The following HIC2 variants were observed in gnomAD, a reference collection of about 807,000 sequenced individuals.
HIC2 encodes the protein HIC ZBTB transcriptional repressor 2.
A neutral mutation model predicts 39.5 loss-of-function variants in HIC2; 2 were observed. The ratio of observed to expected loss-of-function variants is 0.05; its 90% CI spans 0.02 to 0.16. HIC2 has a LOEUF of 0.16. Among genes scored for constraint, HIC2 ranks in the 10% least tolerant of loss-of-function variants. HIC2 has a pLI of 1.00. For synonymous variants in HIC2, 399 were observed against 368.8 expected, an observed-to-expected ratio of 1.08 and a Z score of -0.94; for missense variants, 713 against 863.5, an observed-to-expected ratio of 0.83 and a Z score of 2.18.
rs1237505876 is a variant in HIC2 at position 21,447,927 on chromosome 22, A to G, written c.*1184A>G. 6.5e-6 allele frequency: 1 copy of G among 152,700 alleles called. No homozygotes were observed. Among genetic ancestry groups the G allele is most frequent in the African/African-American group, 2.4e-5 (1 of 41,406 alleles). The allele number at this position is 152,700 out of a possible 1,614,324, so 9.5% of individuals were successfully genotyped here. On this transcript the variant is annotated 3_prime_UTR_variant, in exon 3 of 3. Transcript: ENST00000407464. ...TACCTCTTGAATTCATGACAACGAT[A>G]TGTTGGTGACTGGCAGTGGAAGCCC...
At chr22:21,444,812 A>G (rs1182561854) in intron 2 of HIC2, 110 bp from the exon 3 acceptor site, 7 of 1,227,062 alleles carry the variant, frequency 5.7e-6, no homozygotes, top group East Asian at 2.3e-5. Context: ...CTCCTGCCCT[A>G]TGTGGGGTCA....
At chr22:21,432,601 G>A (rs1294792114) in intron 1 of HIC2, among the ~76,000 whole-genome samples, 194 of 123,748 alleles carry the variant, frequency 1.6e-3, no homozygotes, top group Non-Finnish European at 2.6e-3. Flanking sequence ...GCTTGAACCC[G>A]GGAGGCGGAG....
Position 21,446,880 on chromosome 22 carries a change from C to T in HIC2, c.*137C>T, listed in dbSNP as rs1456654342. On this transcript the variant is annotated 3_prime_UTR_variant, in exon 3 of 3. Coordinates refer to ENST00000407464, the MANE Select transcript of HIC2 (RefSeq NM_015094.3). Reference sequence around the variant, plus strand: ...GGGTGGCCCCTCTGGCCCCCACTGCCCACACCCAGAGCTTTAATGGACAGT... The same window carrying T: ...GGGTGGCCCCTCTGGCCCCCACTGCTCACACCCAGAGCTTTAATGGACAGT... 3 of 1,199,722 alleles carry T rather than the reference C, an allele frequency of 2.5e-6. No individual in the cohort carries two copies. Among genetic ancestry groups the T allele is most frequent in the Admixed American group, 2.8e-5 (1 of 35,694 alleles). 74.3% of individuals were successfully genotyped at this position (1,199,722 alleles called of 1,614,324 possible).
chr22:21,445,067 C>A lies in HIC2; in HGVS notation c.172C>A (p.Arg58=). ...CATCATGGTGGAGAACTCCATCTTC[C>A]GGGCCCACAAGAACGTCCTAGCCGC... The part of the protein sequence containing the change: ...VIIMVENSIF[R]AHKNVLAASS... Residue 58 remains arginine (R), a synonymous_variant, in exon 3 of 3, where the codon CGG becomes AGG. Coordinates refer to ENST00000407464, the MANE Select transcript of HIC2 (RefSeq NM_015094.3). 1.2e-6 allele frequency: 2 copies of A among 1,614,182 alleles called. No homozygotes were observed. The highest frequency in any genetic ancestry group is 1.7e-5 in the Admixed American group (1 of 60,022).
chr22:21,446,005 G>A lies in HIC2; in HGVS notation c.1110G>A (p.Gly370=), dbSNP rs751137070. The change falls in exon 3 of 3, where the codon GGG becomes GGA. Residue 370 remains glycine (G), a synonymous_variant. Transcript: ENST00000407464. ...CGGGAGAGGAGGGTGAGGGGGTCGG[G>A]GACAGGGTTCCCAATGGCATCCTGG... ...PCPGEEGEGV[G]DRVPNGILAS... 22 of 1,574,368 alleles carry A rather than the reference G, an allele frequency of 1.4e-5. No homozygotes were observed. Among genetic ancestry groups the A allele is most frequent in the Non-Finnish European group, 1.7e-6 (2 of 1,161,862 alleles).
In HIC2 at chr22:21,444,945, G is replaced by A; in HGVS notation, c.50G>A (p.Gly17Glu). 2 of 1,612,844 alleles carry A rather than the reference G, an allele frequency of 1.2e-6. No homozygotes were observed. The highest frequency in any genetic ancestry group is 2.2e-5 in the East Asian group (1 of 44,882). ...AGGTGGTGCGCGTGGGCAGGGCGCG[G>A]GGACATGGGGCCCGACATGGAGCTG... The part of the protein sequence containing the change: ...ALRWCAWAGR[G>E]DMGPDMELPS... Residue 17 changes from glycine to glutamate, a missense_variant, in exon 3 of 3, where the codon GGG becomes GAG. By Grantham distance (98) the Gly-to-Glu change is moderately conservative (BLOSUM62 -2). Transcript: ENST00000407464.
chr22:21,450,786 C>G lies in HIC2; in HGVS notation c.*4043C>G, dbSNP rs993712396. On this transcript the variant is annotated 3_prime_UTR_variant, in exon 3 of 3. Coordinates refer to ENST00000407464, the MANE Select transcript of HIC2 (RefSeq NM_015094.3). ...GGAGCCTCAGTCTGACATTCCACGCCGGGGTGGGGGTGGGCATGAGCGGTG... is the reference window on the plus strand; with the variant it reads ...GGAGCCTCAGTCTGACATTCCACGCGGGGGTGGGGGTGGGCATGAGCGGTG... The G allele has an allele frequency of 6.6e-6, 1 of 152,536 alleles. No homozygotes were observed. The highest frequency in any genetic ancestry group is 1.5e-5 in the Non-Finnish European group (1 of 67,972). The allele number at this position is 152,536 out of a possible 1,614,324, so 9.4% of individuals were successfully genotyped here. A position where few individuals can be genotyped will look rare whatever the true frequency, so the allele number is the denominator to read the frequency against.
rs766602397 is a variant in HIC2, at chr22:21,445,686, A to G, written c.791A>G (p.His264Arg). Residue 264 changes from histidine (H) to arginine (R), a missense_variant, in exon 3 of 3, where the codon CAC (histidine) becomes CGC (arginine). Coordinates refer to ENST00000407464, the MANE Select transcript of HIC2 (RefSeq NM_015094.3). ...TTGCCCCCTGCCACCCCAGGTCCCC[A>G]CCTCACTCCCGATGACGCAGCCCAG... ...PPLPPATPGP[H>R]LTPDDAAQLS... 97 of 1,610,542 alleles carry G rather than the reference A, an allele frequency of 6.0e-5. No homozygotes were observed. The highest frequency in any genetic ancestry group is 7.5e-5 in the Non-Finnish European group (89 of 1,179,078).
chr22:21,446,075 C>T lies in HIC2; in HGVS notation c.1180C>T (p.Pro394Ser), dbSNP rs1157207112. The T allele has an allele frequency of 6.2e-7, 1 of 1,607,500 alleles. No homozygotes were observed. The highest frequency in any genetic ancestry group is 2.2e-5 in the East Asian group (1 of 44,856). The change falls in exon 3 of 3, where the codon CCC (proline) becomes TCC (serine). Residue 394 changes from proline to serine, a missense_variant. Physicochemically the swap from Pro to Ser is moderately conservative, Grantham distance 74. This residue lies in a region of HIC2 where 457 missense variants were observed against 420.2 expected (regional missense o/e 1.09). Coordinates refer to ENST00000407464, the MANE Select transcript of HIC2 (RefSeq NM_015094.3). ...CGGGCCCTATGGGGAGCCCCCCTAC[C>T]CCTGCAAGGAGGAGGAGGAGAACGG... ...PSGPYGEPPY[P>S]CKEEEENGKD...
chr22:21,450,115 G>A lies in HIC2; in HGVS notation c.*3372G>A, dbSNP rs1212265459. Reference sequence around the variant, plus strand: ...GTTTTTGTATCAATATGTTTGTGCAGTGATGAATGTATTTATTTCTCAGAC... The same window carrying A: ...GTTTTTGTATCAATATGTTTGTGCAATGATGAATGTATTTATTTCTCAGAC... On this transcript the variant is annotated 3_prime_UTR_variant, in exon 3 of 3. Coordinates refer to ENST00000407464, the MANE Select transcript of HIC2 (RefSeq NM_015094.3). 6.5e-6 allele frequency: 1 copy of A among 152,842 alleles called. No homozygotes were observed. The highest frequency in any genetic ancestry group is 1.5e-5 in the Non-Finnish European group (1 of 68,056). The allele number at this position is 152,842 out of a possible 1,614,324, so 9.5% of individuals were successfully genotyped here.
intron 1 of HIC2, among the ~76,000 whole-genome samples, chr22:21,418,083 C>G (rs1299297902): frequency 8.7e-5 from 12 of 137,988 alleles, no homozygotes; most frequent in African/African-American, 2.6e-4. Flanking sequence ...GGAAGACTGG[C>G]CACGGCAGGG....
At chr22:21,443,765 A>G (rs1923648443) in intron 2 of HIC2, among the ~76,000 whole-genome samples, 1 of 152,110 alleles carries the variant, frequency 6.6e-6, no homozygotes. Flanking sequence ...GGTAGGGGTG[A>G]GAGGATGGAG....
chr22:21,449,072 A>T lies in HIC2; in HGVS notation c.*2329A>T, dbSNP rs942665559. 2.0e-5 allele frequency: 3 copies of T among 152,486 alleles called. No homozygotes were observed. Among genetic ancestry groups the T allele is most frequent in the Non-Finnish European group, 4.4e-5 (3 of 68,032 alleles). The allele number at this position is 152,486 out of a possible 1,614,324, so 9.4% of individuals were successfully genotyped here. A position where few individuals can be genotyped will look rare whatever the true frequency, so the allele number is the denominator to read the frequency against. ...GGGAGCAGAGGCCCCTCACTCAACG[A>T]CGTTTGTGCGACATAGTATTGTATC... On this transcript the variant is annotated 3_prime_UTR_variant, in exon 3 of 3. Coordinates refer to ENST00000407464, the MANE Select transcript of HIC2 (RefSeq NM_015094.3).
rs1320903309 is a variant in HIC2, at chr22:21,446,843, A to G, written c.*100A>G. 2 of 1,470,164 alleles carry G rather than the reference A, an allele frequency of 1.4e-6. No individual in the cohort carries two copies. The highest frequency in any genetic ancestry group is 1.8e-6 in the Non-Finnish European group (2 of 1,109,066). The allele number at this position is 1,470,164 out of a possible 1,614,324, so 91.1% of individuals were successfully genotyped here. ...GCAGCAGGGGCAAGACCCTGGGTCC[A>G]GTGGAGGCTCCGGGTGGCCCCTCTG... On this transcript the variant is annotated 3_prime_UTR_variant, in exon 3 of 3. Transcript: ENST00000407464.
In HIC2 at chr22:21,445,282, C is replaced by T. The variant is rs765137620; in HGVS notation, c.387C>T (p.Pro129=). 7 of 1,610,532 alleles carry T rather than the reference C, an allele frequency of 4.3e-6. No homozygotes were observed. Among genetic ancestry groups the T allele is most frequent in the Middle Eastern group, 1.6e-4 (1 of 6,076 alleles). ...CTGCCGCCAGCTACCTCCAGCTGCC[C>T]GAGTTGGCAGCCCTCTGCCGCCGCA... ...LLTAASYLQL[P]ELAALCRRKL... Residue 129 remains proline (P), a synonymous_variant, in exon 3 of 3, where the codon CCC becomes CCT. Transcript: ENST00000407464.
At position 21,451,409 on chromosome 22, in the gene HIC2, A is replaced by G. The variant is rs1924190214; in HGVS notation, c.*4666A>G. ...TTCAGAAGTGTGCAGTCTTAAATGT[A>G]CAGCGATAAGAAACTGTTATTTTAT... On this transcript the variant is annotated 3_prime_UTR_variant, in exon 3 of 3. Coordinates refer to ENST00000407464, the MANE Select transcript of HIC2 (RefSeq NM_015094.3). 6.5e-6 allele frequency: 1 copy of G among 152,800 alleles called. No individual in the cohort carries two copies. Among genetic ancestry groups the G allele is most frequent in the African/African-American group, 2.4e-5 (1 of 41,448 alleles). The allele number at this position is 152,800 out of a possible 1,614,324, so 9.5% of individuals were successfully genotyped here. A position where few individuals can be genotyped will look rare whatever the true frequency, so the allele number is the denominator to read the frequency against.
At chr22:21,421,752 G>T (rs1302092017) in intron 1 of HIC2, among the ~76,000 whole-genome samples, 2 of 78,128 alleles carry the variant, frequency 2.6e-5, no homozygotes, top group South Asian at 7.4e-4. Flanking sequence ...CACACATGGG[G>T]TGTGGTGAGG....
chr22:21,447,774 G>A lies in HIC2; in HGVS notation c.*1031G>A, dbSNP rs1301547716. 1 of 144,384 alleles carries A rather than the reference G, an allele frequency of 6.9e-6. No homozygotes were observed. Among genetic ancestry groups the A allele is most frequent in the Non-Finnish European group, 1.5e-5 (1 of 65,754 alleles). 8.9% of individuals were successfully genotyped at this position (144,384 alleles called of 1,614,324 possible). A position where few individuals can be genotyped will look rare whatever the true frequency, so the allele number is the denominator to read the frequency against. ...TCGGTACTCTTGTTTTCATTTGTGT[G>A]TGCGTGCGTGTGTGTGTGTGTATGT... On this transcript the variant is annotated 3_prime_UTR_variant, in exon 3 of 3. Transcript: ENST00000407464.
Position 21,446,392 on chromosome 22 carries a change from G to A in HIC2, c.1497G>A (p.Thr499=), listed in dbSNP as rs1049700091. 2.0e-5 allele frequency: 33 copies of A among 1,612,206 alleles called. No homozygotes were observed. The highest frequency in any genetic ancestry group is 2.8e-5 in the Non-Finnish European group (33 of 1,180,026). Residue 499 remains threonine, a synonymous_variant, in exon 3 of 3, where the codon ACG becomes ACA. Transcript: ENST00000407464. Reference sequence around the variant, plus strand: ...TGTCAGCACCCAGTGCGGCCTACACGGCTGAGCCCCGGCCCTTCAAGTGTT... The same window carrying A: ...TGTCAGCACCCAGTGCGGCCTACACAGCTGAGCCCCGGCCCTTCAAGTGTT... ...EDLSAPSAAY[T]AEPRPFKCSV...
Sources: allele counts gnomAD v4.1 joint callset (sites outside exome capture counted in the v4.1 genomes callset), GRCh38; gene constraint gnomAD v4.1.1; regional missense constraint gnomAD v4.1.1; transcripts MANE v1.5; gene names NCBI Gene and HGNC (gene_info 2026-07-23, HGNC 2026-07-21).